The following RSF1 variants were observed in gnomAD, a reference collection of about 807,000 sequenced individuals.
RSF1 encodes the protein remodeling and spacing factor 1, also known as HBV pX-associated protein 8.
RSF1 carries 13 observed loss-of-function variants against 145.2 expected under a neutral mutation model. That is an observed-to-expected ratio of 0.09 (90% CI 0.06 to 0.14). The LOEUF (loss-of-function observed/expected upper bound fraction) is 0.14. Ranked by LOEUF, RSF1 falls within the 10% of genes least tolerant of loss-of-function variation. The probability of loss-of-function intolerance (pLI) is 1.00; values close to 1 mark genes in which losing one functional copy is unlikely to be tolerated. For missense variants in RSF1, 1,517 were observed against 1,718.2 expected, an observed-to-expected ratio of 0.88 and a Z score of 2.07; for synonymous variants, 577 against 592.6, an observed-to-expected ratio of 0.97 and a Z score of 0.38.
At chr11:77,786,520 T>C (rs1479492565) in intron 1 of RSF1, among the ~76,000 whole-genome samples, 2 of 152,210 alleles carry the variant, frequency 1.3e-5, no homozygotes, top group African/African-American at 4.8e-5. Context: ...CATTATATTA[T>C]GATCTGTTGT....
At chr11:77,773,313 C>T (rs983227896) in intron 1 of RSF1, among the ~76,000 whole-genome samples, 16 of 151,864 alleles carry the variant, frequency 1.1e-4, no homozygotes, top group African/African-American at 3.9e-4. Context: ...ATCAGTGGCG[C>T]CAATTACATG....
chr11:77,789,665 T>C (rs761622210), intron 1 of RSF1, among the ~76,000 whole-genome samples: 1 of 152,128 alleles, frequency 6.6e-6, no homozygotes, highest in Non-Finnish European at 1.5e-5. Context: ...CCCCAACACA[T>C]CCCTGATGGT....
chr11:77,672,612 T>C (rs1959586650), intron 14 of RSF1, among the ~76,000 whole-genome samples: 2 of 152,076 alleles, frequency 1.3e-5, no homozygotes, highest in Admixed American at 1.3e-4. Flanking sequence ...TCTGTGCAGG[T>C]TTTTAATGCC....
At chr11:77,871,511 T>C in the RSF1 span, among the ~76,000 whole-genome samples, 341 of 152,336 alleles carry the variant, frequency 2.2e-3, 1 homozygote, top group African/African-American at 7.7e-3. Context: ...TGGTGACTTA[T>C]GCTGGGCTAG....
chr11:77,675,336 G>A, intron 13 of RSF1, 80 bp from the exon 14 acceptor site: 1 of 1,087,434 alleles, frequency 9.2e-7, no homozygotes, highest in Non-Finnish European at 1.3e-6. Context: ...TTCAAATTCT[G>A]GTGAGCCCAG....
chr11:77,677,910 C>CAGTTAG (rs1554984583), intron 12 of RSF1, among the ~76,000 whole-genome samples, 176 bp downstream of exon 12: 26 of 152,280 alleles, frequency 1.7e-4, no homozygotes, highest in Admixed American at 1.2e-3. Context: ...AGATCTGAGT[C>CAGTTAG]TATACACTGA....
intron 2 of RSF1, among the ~76,000 whole-genome samples, chr11:77,750,995 C>T (rs911530516): frequency 6.6e-6 from 1 of 152,070 alleles, no homozygotes; most frequent in Admixed American, 6.6e-5. Flanking sequence ...GCCAGGGAGG[C>T]ATCCTGGCCA....
At chr11:77,673,522 C>T (rs1451489047) in intron 14 of RSF1, among the ~76,000 whole-genome samples, 3 of 152,114 alleles carry the variant, frequency 2.0e-5, no homozygotes, top group Non-Finnish European at 4.4e-5. Context: ...TGTAGTATAT[C>T]CACTGATCAG....
rs187163663 is a variant in RSF1 at position 77,752,808 on chromosome 11, G to T, written c.280-5680C>A. Among the ~76,000 whole-genome samples the T allele has an allele frequency of 1.4e-3, 207 of 152,234 alleles. 1 individual carries two copies. Among genetic ancestry groups the T allele is most frequent in the African/African-American group, 3.3e-3 (138 of 41,538 alleles). ...GGAGGTTAAAGCATTCTAAGTCACAGGATGAGATAGGAAGTCGGCACAAGA... is the reference window on the plus strand; with the variant it reads ...GGAGGTTAAAGCATTCTAAGTCACATGATGAGATAGGAAGTCGGCACAAGA... On this transcript the variant is annotated intron_variant, in intron 2 of 15. Transcript: ENST00000308488.
the RSF1 span, among the ~76,000 whole-genome samples, chr11:77,844,411 A>T: frequency 1.3e-5 from 2 of 151,608 alleles, no homozygotes; most frequent in Non-Finnish European, 2.9e-5. Flanking sequence ...CGTCCAGGCT[A>T]GAGTGCAGTG....
Position 77,768,161 on chromosome 11 carries a change from C to CTTTT in RSF1, c.188-3476_188-3473dup, listed in dbSNP as rs758401653. Among the ~76,000 whole-genome samples, 275 of 122,776 alleles carry CTTTT rather than the reference C, an allele frequency of 2.2e-3. 6 individuals carry two copies. Among genetic ancestry groups the CTTTT allele is most frequent in the African/African-American group, 3.2e-3 (100 of 31,088 alleles). 80.5% of individuals were successfully genotyped at this position (122,776 alleles called of 152,430 possible). On this transcript the variant is annotated intron_variant, in intron 1 of 15. Transcript: ENST00000308488. ...CAAAATTATATCAACATATTATCAG[C>CTTTT]TTTTTTTTTTTTTTTTTTTGAGACA...
chr11:77,759,298 C>T (rs543413826), intron 2 of RSF1, among the ~76,000 whole-genome samples: 1 of 152,236 alleles, frequency 6.6e-6, no homozygotes, highest in South Asian at 2.1e-4. Flanking sequence ...ATCACTTGAG[C>T]CCAGGAGTTT....
intron 1 of RSF1, among the ~76,000 whole-genome samples, chr11:77,780,344 T>C (rs1325328091): frequency 6.6e-6 from 1 of 152,152 alleles, no homozygotes; most frequent in Non-Finnish European, 1.5e-5. Flanking sequence ...TCTAAATCCA[T>C]TAAGGAAACA....
intron 11 of RSF1, among the ~76,000 whole-genome samples, chr11:77,682,214 T>G (rs1300831580): frequency 6.6e-6 from 1 of 152,220 alleles, no homozygotes; most frequent in Non-Finnish European, 1.5e-5. Context: ...TTACTGATTC[T>G]ACCATATTTT....
At chr11:77,814,074 C>A (rs1317175360) in intron 1 of RSF1, among the ~76,000 whole-genome samples, 1 of 151,840 alleles carries the variant, frequency 6.6e-6, no homozygotes, top group East Asian at 1.9e-4. Flanking sequence ...GTGGTGCATG[C>A]CTGTAATCCC....
In RSF1 at chr11:77,754,366, C is replaced by T. The variant is rs188995265; in HGVS notation, c.280-7238G>A. Among the ~76,000 whole-genome samples, 25 of 152,222 alleles carry T rather than the reference C, an allele frequency of 1.6e-4. No individual in the cohort carries two copies. The East Asian group carries it at 4.6e-3, about 28-fold the overall frequency. On this transcript the variant is annotated intron_variant, in intron 2 of 15. Transcript: ENST00000308488. ...CCTGTAATCCCAACACTTTGGGAGG[C>T]TGAGGTAGGAGGATCACTTGAACCC...
intron 1 of RSF1, among the ~76,000 whole-genome samples, chr11:77,789,750 C>T (rs1948498008): frequency 6.6e-6 from 1 of 152,242 alleles, no homozygotes; most frequent in Non-Finnish European, 1.5e-5. Context: ...CCTGCACACA[C>T]CAACAGGGAG....
chr11:77,677,023 G>C (rs372678078), intron 12 of RSF1, 24 bp from the exon 13 acceptor site: 2 of 1,575,384 alleles, frequency 1.3e-6, no homozygotes, highest in South Asian at 2.2e-5. Flanking sequence ...AGGGAAGTTC[G>C]GGGAGAGAAA....
intron 14 of RSF1, among the ~76,000 whole-genome samples, chr11:77,673,969 A>T (rs1590822350): frequency 6.6e-6 from 1 of 152,198 alleles, no homozygotes; most frequent in Admixed American, 6.5e-5. Context: ...CCTGGAATGG[A>T]TCCTGGGTTA....
Sources: allele counts gnomAD v4.1 joint callset (sites outside exome capture counted in the v4.1 genomes callset), GRCh38; gene constraint gnomAD v4.1.1; transcripts MANE v1.5; gene names NCBI Gene and HGNC (gene_info 2026-07-23, HGNC 2026-07-21).